The following ROR1 variants were observed in gnomAD, a reference collection of about 807,000 sequenced individuals.
ROR1 encodes the protein ROR family WNT receptor 1, also known as inactive tyrosine-protein kinase transmembrane receptor ROR1.
ROR1 carries 19 observed loss-of-function variants against 78.8 expected under a neutral mutation model. The observed-to-expected ratio is 0.24, with a 90% CI of 0.17 to 0.35. The LOEUF is 0.35. ROR1 is among the 10% of genes least tolerant of loss of function. ROR1 has a pLI of 1.00. For synonymous variants in ROR1, 386 were observed against 433.6 expected (o/e 0.89, Z 1.36); for missense variants, 917 against 1,177.8 (o/e 0.78, Z 3.24).
In ROR1 at chr1:64,178,179, G is replaced by T; in HGVS notation, c.2138G>T (p.Cys713Phe). The T allele has an allele frequency of 6.2e-7, 1 of 1,614,162 alleles. No homozygotes were observed. The highest frequency in any genetic ancestry group is 8.5e-7 in the Non-Finnish European group (1 of 1,180,020). Residue 713 changes from cysteine to phenylalanine, a missense_variant, in exon 9 of 9, where the codon TGC becomes TTC. Coordinates refer to ENST00000371079, the MANE Select transcript of ROR1 (RefSeq NM_005012.4). The surrounding 1 kb of genome is among the most constrained non-coding windows in gnomAD (Gnocchi z 4.3). Reference sequence around the variant, plus strand: ...GTGAGAAAACGGCAGCTCTTACCATGCTCTGAAGACTGCCCACCCAGAATG... The same window carrying T: ...GTGAGAAAACGGCAGCTCTTACCATTCTCTGAAGACTGCCCACCCAGAATG... ...EMVRKRQLLP[C>F]SEDCPPRMYS...
intron 2 of ROR1, among the ~76,000 whole-genome samples, chr1:64,047,669 A>G (rs1646795026): frequency 6.6e-6 from 1 of 152,256 alleles, no homozygotes. Flanking sequence ...CCATAGAGCC[A>G]TCTGCTAATT....
At chr1:63,834,084 A>G (rs1294655228) in intron 1 of ROR1, among the ~76,000 whole-genome samples, 1 of 143,596 alleles carries the variant, frequency 7.0e-6, no homozygotes, top group East Asian at 2.1e-4. Flanking sequence ...CATCCTGTGT[A>G]GCTTTTGTCC....
chr1:63,996,524 A>G (rs558745603), intron 1 of ROR1, among the ~76,000 whole-genome samples: 1 of 152,216 alleles, frequency 6.6e-6, no homozygotes, highest in Non-Finnish European at 1.5e-5. Context: ...GAGCAAAACC[A>G]TCTTACTGTC....
At chr1:63,993,720 T>C (rs973038686) in intron 1 of ROR1, among the ~76,000 whole-genome samples, 8 of 152,194 alleles carry the variant, frequency 5.3e-5, no homozygotes, top group African/African-American at 1.9e-4. Flanking sequence ...AACAGCTGCA[T>C]TGTATTTCAT....
intron 4 of ROR1, chr1:64,113,507 T>G (rs1648194273): frequency 6.6e-6 from 1 of 152,162 alleles, no homozygotes; most frequent in Non-Finnish European, 1.5e-5. Flanking sequence ...GCTCTTAAGT[T>G]TCCAAGCCAT....
intron 1 of ROR1, among the ~76,000 whole-genome samples, chr1:64,007,566 T>TA (rs1360311408): frequency 1.3e-5 from 2 of 152,224 alleles, no homozygotes; most frequent in Non-Finnish European, 2.9e-5. Flanking sequence ...TAACAGTCCA[T>TA]AAGTACTTCA....
At chr1:63,939,344 C>T (rs1389345591) in intron 1 of ROR1, among the ~76,000 whole-genome samples, 1 of 151,990 alleles carries the variant, frequency 6.6e-6, no homozygotes, top group African/African-American at 2.4e-5. Flanking sequence ...TAATGTGCAG[C>T]AAAGTTAAGG....
chr1:63,936,929 A>G (rs966295258), intron 1 of ROR1, among the ~76,000 whole-genome samples: 1 of 152,150 alleles, frequency 6.6e-6, no homozygotes, highest in African/African-American at 2.4e-5. Flanking sequence ...CCATTTGTTG[A>G]CTCAATGAGG....
At chr1:63,781,644 G>C (rs1035939312) in intron 1 of ROR1, among the ~76,000 whole-genome samples, 1 of 152,176 alleles carries the variant, frequency 6.6e-6, no homozygotes, top group African/African-American at 2.4e-5. Flanking sequence ...AAGAACATGA[G>C]TGCCTCCTTC....
intron 1 of ROR1, among the ~76,000 whole-genome samples, chr1:63,907,944 T>C (rs1474051126): frequency 6.6e-6 from 1 of 152,230 alleles, no homozygotes; most frequent in Admixed American, 6.5e-5. Flanking sequence ...CAAAAAATCC[T>C]TTCATATCCA....
intron 8 of ROR1, among the ~76,000 whole-genome samples, chr1:64,175,259 C>T (rs756586346): frequency 3.9e-5 from 6 of 151,908 alleles, no homozygotes; most frequent in Non-Finnish European, 8.8e-5. Context: ...TTCTCCTTCT[C>T]TCTTACACAA....
At chr1:63,913,472 G>A (rs1645586540) in intron 1 of ROR1, among the ~76,000 whole-genome samples, 2 of 152,184 alleles carry the variant, frequency 1.3e-5, no homozygotes, top group East Asian at 3.9e-4. Flanking sequence ...ATTTTGGGAA[G>A]AATTTGGCTT....
chr1:64,058,461 G>T (rs77546783), intron 4 of ROR1, among the ~76,000 whole-genome samples: 3,339 of 151,808 alleles, frequency 0.022, 74 homozygotes, highest in African/African-American at 0.064. Flanking sequence ...GATGTTAGCT[G>T]CGTTTTTCCA....
chr1:63,877,496 T>C (rs945184577), intron 1 of ROR1, among the ~76,000 whole-genome samples: 3 of 152,124 alleles, frequency 2.0e-5, no homozygotes, highest in Non-Finnish European at 2.9e-5. Flanking sequence ...TTTTAGCCTA[T>C]ACTTTTTACT....
chr1:64,027,142 T>C (rs934054868), intron 2 of ROR1, among the ~76,000 whole-genome samples: 1 of 152,194 alleles, frequency 6.6e-6, no homozygotes, highest in Non-Finnish European at 1.5e-5. Context: ...CCTCATGAGG[T>C]TGATTTGAGA....
chr1:63,874,707 C>G (rs1310298237), intron 1 of ROR1, among the ~76,000 whole-genome samples: 2 of 152,124 alleles, frequency 1.3e-5, no homozygotes, highest in Non-Finnish European at 2.9e-5. Context: ...CCTACTTCTT[C>G]TTAGAGTGGT....
At chr1:64,002,416 G>T (rs191239044) in intron 1 of ROR1, among the ~76,000 whole-genome samples, 3 of 152,150 alleles carry the variant, frequency 2.0e-5, no homozygotes, top group Non-Finnish European at 4.4e-5. Context: ...GAGCCATTGC[G>T]CCCGGCCTGG....
intron 1 of ROR1, among the ~76,000 whole-genome samples, chr1:63,821,688 A>C (rs781680362): frequency 6.6e-6 from 1 of 152,202 alleles, no homozygotes; most frequent in Non-Finnish European, 1.5e-5. Flanking sequence ...CCTGAAAAAG[A>C]AGCAGCGTTT....
Position 64,078,492 on chromosome 1 carries a change from C to T in ROR1, c.482+27776C>T, listed in dbSNP as rs181383255. ...AGCTAAGATGTCGAGGAAGGAGACT[C>T]GGTAGGATAGTGCTTCAGTTAGAAG... is the stretch of plus-strand genomic sequence containing the variant. On this transcript the variant is annotated intron_variant, in intron 4 of 8. Coordinates refer to ENST00000371079, the MANE Select transcript of ROR1 (RefSeq NM_005012.4). 1.1e-4 allele frequency among the ~76,000 whole-genome samples: 16 copies of T among 152,078 alleles called. No individual in the cohort carries two copies. In the East Asian group the frequency reaches 1.9e-3, roughly 18 times the overall value.
Sources: gnomAD v4.1 joint callset for allele counts (sites outside exome capture counted in the v4.1 genomes callset) on GRCh38, gnomAD v4.1.1 for gene constraint, Gnocchi (gnomAD v3.1) non-coding constraint, MANE v1.5 for transcripts, NCBI Gene and HGNC (gene_info 2026-07-23, HGNC 2026-07-21) for gene names.